The following WASHC5 variants were observed in gnomAD, a reference collection of about 807,000 sequenced individuals.
WASHC5 encodes the protein WASH complex subunit 5, also known as WASH complex subunit strumpellin.
A neutral mutation model predicts 150.4 loss-of-function variants in WASHC5; 101 were observed. The observed-to-expected ratio is 0.67, with a 90% CI of 0.57 to 0.79. The LOEUF (loss-of-function observed/expected upper bound fraction) is 0.79. WASHC5 is among the 30% of genes least tolerant of loss of function. The pLI, the probability that WASHC5 is intolerant of heterozygous loss-of-function variation, is 0.00. For synonymous variants in WASHC5, 467 were observed against 491.2 expected (o/e 0.95, Z 0.65); for missense variants, 1,195 against 1,396.3 (o/e 0.86, Z 2.30).
At chr8:125,077,069 A>G (rs28702720) in intron 6 of WASHC5, among the ~76,000 whole-genome samples, 16,765 of 152,170 alleles carry the variant, frequency 0.11, 2,162 homozygotes, top group African/African-American at 0.31. Flanking sequence ...CTGAGTCCTC[A>G]TCTTCTGCCT....
At chr8:125,063,406 A>G in intron 11 of WASHC5, 116 bp downstream of exon 11, 1 of 1,132,342 alleles carries the variant, frequency 8.8e-7, no homozygotes, top group Non-Finnish European at 1.3e-6. Flanking sequence ...TAAAGATGGA[A>G]TATCATAGGA....
At chr8:125,062,681 A>G (rs990376924) in intron 11 of WASHC5, among the ~76,000 whole-genome samples, 5 of 152,244 alleles carry the variant, frequency 3.3e-5, no homozygotes, top group Non-Finnish European at 5.9e-5. Flanking sequence ...GAAATAAACA[A>G]AAGCTAAAAT....
At chr8:125,083,519 A>G (rs930797438) in intron 2 of WASHC5, among the ~76,000 whole-genome samples, 194 bp downstream of exon 2, 3 of 152,192 alleles carry the variant, frequency 2.0e-5, no homozygotes, top group Non-Finnish European at 4.4e-5. Flanking sequence ...TAAAAATACA[A>G]TTATATTGTG....
chr8:125,068,770 T>C (rs1195252984), intron 9 of WASHC5, among the ~76,000 whole-genome samples: 2 of 152,216 alleles, frequency 1.3e-5, no homozygotes, highest in Non-Finnish European at 2.9e-5. Flanking sequence ...AACTATCCAC[T>C]ACCCAGGCAC....
At position 125,050,575 on chromosome 8, in the gene WASHC5, G is replaced by T. The variant is rs985821150; in HGVS notation, c.2188C>A (p.Pro730Thr). ...FALHRGLIFN[P>T]RAKPSELMPK... ...TGGTCACTGGGTACCTTGGCTCGAGGGTTGAATATCAGTCCCCTATGCAGG... is the reference window on the plus strand; with the variant it reads ...TGGTCACTGGGTACCTTGGCTCGAGTGTTGAATATCAGTCCCCTATGCAGG... The change falls in exon 18 of 29, where the codon CCT becomes ACT. Residue 730 changes from proline to threonine, a missense_variant. Coordinates refer to ENST00000318410, the MANE Select transcript of WASHC5 (RefSeq NM_014846.4). 3.7e-6 allele frequency: 6 copies of T among 1,613,452 alleles called. No individual in the cohort carries two copies. In the African/African-American group the frequency reaches 6.7e-5, roughly 18 times the overall value.
chr8:125,052,609 TACACACAC>T (rs34684600), intron 17 of WASHC5, among the ~76,000 whole-genome samples: 2 of 141,798 alleles, frequency 1.4e-5, no homozygotes, highest in African/African-American at 2.8e-5. Context: ...TCACACACAC[TACACACAC>T]ACACACACAC....
At chr8:125,086,896 G>A (rs1459876242) in intron 1 of WASHC5, among the ~76,000 whole-genome samples, 3 of 152,304 alleles carry the variant, frequency 2.0e-5, no homozygotes, top group East Asian at 3.9e-4. Flanking sequence ...CTGAAGTGCC[G>A]ACGTGTGACT....
chr8:125,070,494 C>T lies in WASHC5; in HGVS notation c.1150+2659G>A, dbSNP rs140294484. On this transcript the variant is annotated intron_variant, in intron 9 of 28. Transcript: ENST00000318410. ...CCGGCTTTCCGAACATAGACAGGGC[C>T]GTCAGGCAGAGTCACACAGAAGATG... 1.7e-4 allele frequency among the ~76,000 whole-genome samples: 26 copies of T among 152,240 alleles called. No individual in the cohort carries two copies. The South Asian group carries it at 4.8e-3, about 28-fold the overall frequency.
intron 18 of WASHC5, 106 bp downstream of exon 18, chr8:125,050,458 T>C (rs866389601): frequency 2.2e-5 from 16 of 712,022 alleles, no homozygotes; most frequent in Middle Eastern, 3.6e-4. Context: ...TTGATATACG[T>C]TAGCTAGGAG....
Position 125,039,884 on chromosome 8 carries a change from C to T in WASHC5, c.2865G>A (p.Gln955=). Residue 955 remains glutamine (Q), a synonymous_variant, in exon 24 of 29, where the codon CAG becomes CAA. Transcript: ENST00000318410. ...CATTGGCAATCTGTTGTCTCAGAAT[C>T]TGCATCTGCCCAACCTGTGCACAAG... ...LEAIMKVGQM[Q]ILRQQIANEL... is the part of the protein sequence containing the mutation. The T allele has an allele frequency of 6.2e-7, 1 of 1,612,858 alleles. No homozygotes were observed. Among genetic ancestry groups the T allele is most frequent in the Non-Finnish European group, 8.5e-7 (1 of 1,179,198 alleles).
chr8:125,074,957 G>A, intron 8 of WASHC5, 41 bp downstream of exon 8: 2 of 1,142,634 alleles, frequency 1.8e-6, no homozygotes, highest in Non-Finnish European at 2.7e-6. Context: ...TCATAAACTA[G>A]GCCTGCAGTT....
intron 14 of WASHC5, among the ~76,000 whole-genome samples, chr8:125,058,829 C>T (rs1324725218): frequency 6.6e-6 from 1 of 152,076 alleles, no homozygotes; most frequent in African/African-American, 2.4e-5. Flanking sequence ...CACCAATATT[C>T]CCTGTTACTG....
At position 125,024,408 on chromosome 8, in the gene WASHC5, A is replaced by C; in HGVS notation, c.*209T>G. On this transcript the variant is annotated 3_prime_UTR_variant, in exon 29 of 29. Transcript: ENST00000318410. ...AATGTGTTCTGCTTTTATCTGATAT[A>C]AATTGCATGTAATACCATGATTTAA... 1 of 612,242 alleles carries C rather than the reference A, an allele frequency of 1.6e-6. No homozygotes were observed. The highest frequency in any genetic ancestry group is 3.0e-6 in the Non-Finnish European group (1 of 337,250). 37.9% of individuals were successfully genotyped at this position (612,242 alleles called of 1,614,324 possible). A position where few individuals can be genotyped will look rare whatever the true frequency, so the allele number is the denominator to read the frequency against.
rs142685897 is a variant in WASHC5 at position 125,043,911 on chromosome 8, A to G, written c.2771-7T>C. On this transcript the variant is annotated splice_polypyrimidine_tract_variant and splice_region_variant and intron_variant, in intron 22 of 28. Transcript: ENST00000318410. The stretch of plus-strand genomic sequence containing the variant: ...TAAATTTTATTTGAATTTGCTGAAA[A>G]GTTAAAACATAATTTTCTCTTTAGT... 3.3e-4 allele frequency: 538 copies of G among 1,610,748 alleles called. 3 individuals carry two copies. In the African/African-American group the frequency reaches 6.4e-3, roughly 19 times the overall value.
chr8:125,055,711 A>G, intron 16 of WASHC5, 40 bp from the exon 17 acceptor site: 5 of 1,175,774 alleles, frequency 4.3e-6, no homozygotes, highest in Non-Finnish European at 5.1e-6. Flanking sequence ...TCACTGTCTA[A>G]TAGTCCTGGA....
intron 18 of WASHC5, among the ~76,000 whole-genome samples, chr8:125,049,480 C>T (rs890406523): frequency 6.6e-6 from 1 of 152,198 alleles, no homozygotes; most frequent in Admixed American, 6.5e-5. Context: ...CTGCTTGAAC[C>T]TGGGAGGCGG....
At chr8:125,083,004 T>C (rs776654060) in intron 3 of WASHC5, 109 bp downstream of exon 3, 122 of 761,904 alleles carry the variant, frequency 1.6e-4, no homozygotes, top group Non-Finnish European at 2.4e-4. Context: ...CAGTATAAAC[T>C]AAATTAGGAA....
In WASHC5 at chr8:125,039,798, T is replaced by C. The variant is rs759625490; in HGVS notation, c.2951A>G (p.Asn984Ser). ...KHLAAALENL[N>S]KALLADIEAH... is the part of the protein sequence containing the mutation. ...TGTTTCAAACCCTGGCACTTACTTATTGAGATTCTCCAGAGCAGCTGCCAG... is the reference window on the plus strand; with the variant it reads ...TGTTTCAAACCCTGGCACTTACTTACTGAGATTCTCCAGAGCAGCTGCCAG... The change falls in exon 24 of 29, where the codon AAT (asparagine) becomes AGT (serine). Residue 984 changes from asparagine (N) to serine (S), a missense_variant. By Grantham distance (46) the Asn-to-Ser change is conservative. This residue lies in a region of WASHC5 where 997 missense variants were observed against 1,168.1 expected (regional missense o/e 0.85). Transcript: ENST00000318410. 6.5e-5 allele frequency: 104 copies of C among 1,607,660 alleles called. No homozygotes were observed. The highest frequency in any genetic ancestry group is 8.8e-5 in the Non-Finnish European group (103 of 1,174,226).
chr8:125,029,811 A>G (rs996919917), intron 27 of WASHC5, among the ~76,000 whole-genome samples: 12 of 152,208 alleles, frequency 7.9e-5, no homozygotes, highest in Non-Finnish European at 1.2e-4. Context: ...TTAACAAATA[A>G]CTTTTAGTAC....
Sources: gnomAD v4.1 joint callset for allele counts (sites outside exome capture counted in the v4.1 genomes callset) on GRCh38, gnomAD v4.1.1 for gene constraint, gnomAD v4.1.1 regional missense constraint, MANE v1.5 for transcripts, NCBI Gene and HGNC (gene_info 2026-07-23, HGNC 2026-07-21) for gene names.